RAB43: variants seen among roughly 807,000 people sequenced by gnomAD.
RAB43 encodes the protein ras-related protein Rab-43.
Under a neutral mutation model 18.8 loss-of-function variants are expected in RAB43, and 6 were observed. That is an observed-to-expected ratio of 0.32 (90% CI 0.17 to 0.63). The LOEUF (loss-of-function observed/expected upper bound fraction) is 0.63. Ranked by LOEUF, RAB43 falls within the 30% of genes least tolerant of loss-of-function variation. The pLI is 0.79. For synonymous variants in RAB43, 103 were observed against 124.1 expected, an observed-to-expected ratio of 0.83 and a Z score of 1.13; for missense variants, 195 against 289.1, an observed-to-expected ratio of 0.67 and a Z score of 2.36.
At chr3:129,121,075 C>A (rs542677923) in intron 1 of RAB43, among the ~76,000 whole-genome samples, 2 of 147,914 alleles carry the variant, frequency 1.4e-5, no homozygotes, top group Non-Finnish European at 3.0e-5. Context: ...CTCGCCCCCC[C>A]CCCCCCCAGC....
intron 1 of RAB43, among the ~76,000 whole-genome samples, chr3:129,118,412 C>G (rs1935688501): frequency 6.6e-6 from 1 of 152,152 alleles, no homozygotes; most frequent in African/African-American, 2.4e-5. Context: ...ACAAGAATTT[C>G]AACCTACAAC....
rs1934831326 is a variant in RAB43, at chr3:129,107,068, T to C, written c.205-11899A>G. 6.6e-6 allele frequency among the ~76,000 whole-genome samples: 1 copy of C among 152,192 alleles called. No individual in the cohort carries two copies. The highest frequency in any genetic ancestry group is 1.5e-5 in the Non-Finnish European group (1 of 68,038). On this transcript the variant is annotated intron_variant, in intron 1 of 2. Coordinates refer to ENST00000315150, the MANE Select transcript of RAB43 (RefSeq NM_198490.3). The surrounding 1 kb of genome is among the most constrained non-coding windows in gnomAD (Gnocchi z 4.2). ...TGAAAGCCAGGAAGGCAGAGTTCTG[T>C]GGGCACCTGGCACTGTCTGTCAGTG...
chr3:129,109,632 T>C (rs1935020876), intron 1 of RAB43, among the ~76,000 whole-genome samples: 1 of 150,158 alleles, frequency 6.7e-6, no homozygotes, highest in African/African-American at 2.4e-5. Flanking sequence ...TCCCAGCTCC[T>C]TGGGAGGCTG....
At chr3:129,119,005 A>T (rs1935727242) in intron 1 of RAB43, among the ~76,000 whole-genome samples, 1 of 152,228 alleles carries the variant, frequency 6.6e-6, no homozygotes, top group African/African-American at 2.4e-5. Flanking sequence ...AGAAGAACAA[A>T]AGAACTTTCT....
chr3:129,104,549 C>T (rs1934631106), intron 1 of RAB43, among the ~76,000 whole-genome samples: 2 of 152,202 alleles, frequency 1.3e-5, no homozygotes, highest in African/African-American at 4.8e-5. Flanking sequence ...ACTCCCCCTC[C>T]TCTCCCACTC....
Position 129,087,776 on chromosome 3 carries a change from G to A in RAB43, c.*3320C>T, listed in dbSNP as rs1366465859. The A allele has an allele frequency of 1.3e-5, 2 of 150,830 alleles. No homozygotes were observed. The highest frequency in any genetic ancestry group is 3.0e-5 in the Non-Finnish European group (2 of 67,786). 9.3% of individuals were successfully genotyped at this position (150,830 alleles called of 1,614,324 possible). A position where few individuals can be genotyped will look rare whatever the true frequency, so the allele number is the denominator to read the frequency against. On this transcript the variant is annotated 3_prime_UTR_variant, in exon 3 of 3. Coordinates refer to ENST00000315150, the MANE Select transcript of RAB43 (RefSeq NM_198490.3). ...CCTGTTCACCCCAAGTCCAGGCCCT[G>A]CAGGGGTCCGAGGGTCTCTGCTGGA...
chr3:129,107,340 G>A lies in RAB43; in HGVS notation c.205-12171C>T, dbSNP rs1279127990. On this transcript the variant is annotated intron_variant, in intron 1 of 2. Transcript: ENST00000315150. This position sits in a 1 kb window ranked among gnomAD's most constrained non-coding sequence, Gnocchi z 4.2. ...CCTGAACAGCTTGGATGAGAAAAAG[G>A]TGCACTGTGGGAAACGACCCTGGCC... Among the ~76,000 whole-genome samples, 1 of 152,112 alleles carries A rather than the reference G, an allele frequency of 6.6e-6. No homozygotes were observed. The highest frequency in any genetic ancestry group is 1.5e-5 in the Non-Finnish European group (1 of 68,016).
At chr3:129,108,274 G>T (rs1257898003) in intron 1 of RAB43, among the ~76,000 whole-genome samples, 2 of 152,222 alleles carry the variant, frequency 1.3e-5, no homozygotes, top group Non-Finnish European at 2.9e-5. Context: ...AGCCACGGCA[G>T]CCACATGGCC....
intron 1 of RAB43, among the ~76,000 whole-genome samples, chr3:129,118,161 A>G (rs1935668579): frequency 6.6e-6 from 1 of 152,132 alleles, no homozygotes; most frequent in African/African-American, 2.4e-5. Context: ...GTCCTGAGGC[A>G]GGGGTAAGCC....
In RAB43 at chr3:129,090,253, G is replaced by A. The variant is rs1387281865; in HGVS notation, c.*843C>T. 1 of 149,270 alleles carries A rather than the reference G, an allele frequency of 6.7e-6. No individual in the cohort carries two copies. The highest frequency in any genetic ancestry group is 2.5e-5 in the African/African-American group (1 of 40,446). The allele number at this position is 149,270 out of a possible 1,614,324, so 9.2% of individuals were successfully genotyped here. ...CCTTGCGGTGCCCTCTCATCCCTGA[G>A]CCTCAAGGATGCAAGCTTCTACTTG... On this transcript the variant is annotated 3_prime_UTR_variant, in exon 3 of 3. Transcript: ENST00000315150.
chr3:129,097,070 G>A (rs187579604), intron 1 of RAB43, among the ~76,000 whole-genome samples: 278 of 152,120 alleles, frequency 1.8e-3, no homozygotes, highest in Non-Finnish European at 2.8e-3. Flanking sequence ...CCGAGATCAC[G>A]CCACTGCACT....
intron 1 of RAB43, among the ~76,000 whole-genome samples, chr3:129,111,055 C>G (rs1230417860): frequency 6.6e-6 from 1 of 152,140 alleles, no homozygotes; most frequent in Non-Finnish European, 1.5e-5. Flanking sequence ...ACCTCACCTT[C>G]CACCCATCAC....
chr3:129,114,772 A>G (rs571445951), intron 1 of RAB43, among the ~76,000 whole-genome samples: 1 of 152,304 alleles, frequency 6.6e-6, no homozygotes, highest in Non-Finnish European at 1.5e-5. Flanking sequence ...AAAAGGTGGT[A>G]AAGGCCTTGT....
intron 1 of RAB43, among the ~76,000 whole-genome samples, chr3:129,115,756 G>C (rs1334899795): frequency 4.0e-5 from 6 of 151,546 alleles, no homozygotes; most frequent in Admixed American, 2.0e-4. Flanking sequence ...GGGAGGTGGA[G>C]GTTCCAGTGA....
chr3:129,119,130 T>C (rs1382145427), intron 1 of RAB43, among the ~76,000 whole-genome samples: 17 of 152,194 alleles, frequency 1.1e-4, no homozygotes, highest in Admixed American at 1.1e-3. Context: ...GTGTGTAAAT[T>C]AGACCTCAAA....
Position 129,107,806 on chromosome 3 carries a change from T to C in RAB43, c.205-12637A>G, listed in dbSNP as rs191252647. The stretch of plus-strand genomic sequence containing the variant: ...CTGAACAACCCCAACCCTCAAACCA[T>C]CCCTCCAGTTCCCTGCTACTTTGGT... On this transcript the variant is annotated intron_variant, in intron 1 of 2. Transcript: ENST00000315150. This position sits in a 1 kb window ranked among gnomAD's most constrained non-coding sequence, Gnocchi z 4.2. Among the ~76,000 whole-genome samples, 4 of 151,826 alleles carry C rather than the reference T, an allele frequency of 2.6e-5. No homozygotes were observed. The highest frequency in any genetic ancestry group is 9.7e-5 in the African/African-American group (4 of 41,316).
At chr3:129,106,730 G>A (rs566151760) in intron 1 of RAB43, among the ~76,000 whole-genome samples, 2 of 152,226 alleles carry the variant, frequency 1.3e-5, no homozygotes, top group African/African-American at 4.8e-5. Flanking sequence ...TCTGCAATAG[G>A]GGAGTAGAGG....
At chr3:129,099,695 T>C (rs1559997260) in intron 1 of RAB43, among the ~76,000 whole-genome samples, 1 of 152,206 alleles carries the variant, frequency 6.6e-6, no homozygotes, top group Non-Finnish European at 1.5e-5. Flanking sequence ...CTAAACTTAA[T>C]TTTTAAATTA....
At chr3:129,110,743 C>A (rs1367671799) in intron 1 of RAB43, among the ~76,000 whole-genome samples, 3 of 151,786 alleles carry the variant, frequency 2.0e-5, no homozygotes, top group Non-Finnish European at 4.4e-5. Context: ...GTTTCTTTTG[C>A]GGTGATGAAA....
Sources: allele counts gnomAD v4.1 joint callset (sites outside exome capture counted in the v4.1 genomes callset), GRCh38; gene constraint gnomAD v4.1.1; non-coding constraint Gnocchi (gnomAD v3.1); transcripts MANE v1.5; gene names NCBI Gene and HGNC (gene_info 2026-07-23, HGNC 2026-07-21).